ODAD2: variants seen among roughly 807,000 people sequenced by gnomAD.
ODAD2 encodes outer dynein arm-docking complex subunit 2.
ODAD2 carries 89 observed loss-of-function variants against 106.8 expected under a neutral mutation model. That is an observed-to-expected ratio of 0.83 (90% confidence interval 0.70 to 0.99). The LOEUF is 0.99. Ranked by LOEUF, ODAD2 falls within the 50% of genes least tolerant of loss-of-function variation. The pLI, the probability that ODAD2 is intolerant of heterozygous loss-of-function variation, is 0.00. For synonymous variants in ODAD2, 404 were observed against 436.2 expected (o/e 0.93, Z 0.92); for missense variants, 1,168 against 1,238.5 (o/e 0.94, Z 0.85).
rs940314892 is a variant in ODAD2, at chr10:27,940,765, G to A, written c.1784C>T (p.Ala595Val). 3.1e-6 allele frequency: 5 copies of A among 1,614,082 alleles called. No homozygotes were observed. Among genetic ancestry groups the A allele is most frequent in the Admixed American group, 1.7e-5 (1 of 60,016 alleles). The change falls in exon 13 of 20, where the codon GCC becomes GTC. Residue 595 changes from alanine (A) to valine (V), a missense_variant. Coordinates refer to ENST00000305242, the MANE Select transcript of ODAD2 (RefSeq NM_018076.5). ...LDCAHDSTKP[A>V]QSSLYEARDV... The stretch of plus-strand genomic sequence containing the variant: ...TCTGGCCTCATACAGACTCGATTGG[G>A]CAGGTTTTGTGGAATCATGTGCACA...
chr10:27,939,577 A>G (rs1289618946), intron 14 of ODAD2, among the ~76,000 whole-genome samples: 2 of 152,024 alleles, frequency 1.3e-5, no homozygotes, highest in Non-Finnish European at 2.9e-5. Context: ...TACAAAAACA[A>G]TTAGCCCTAC....
intron 18 of ODAD2, among the ~76,000 whole-genome samples, chr10:27,861,057 T>C (rs1469982266): frequency 6.6e-6 from 1 of 152,186 alleles, no homozygotes; most frequent in African/African-American, 2.4e-5. Flanking sequence ...AGTGGTGCCA[T>C]CTCAGCTCAC....
At chr10:27,910,534 T>C (rs1410129576) in intron 16 of ODAD2, among the ~76,000 whole-genome samples, 1 of 151,938 alleles carries the variant, frequency 6.6e-6, no homozygotes, top group Non-Finnish European at 1.5e-5. Flanking sequence ...GGTGGGTGGA[T>C]CGCATGAGCT....
intron 19 of ODAD2, among the ~76,000 whole-genome samples, chr10:27,819,293 GA>G (rs1836402306): frequency 6.6e-6 from 1 of 152,084 alleles, no homozygotes; most frequent in Non-Finnish European, 1.5e-5. Context: ...GGGGGAAAGA[GA>G]ACTTCACCCT....
intron 9 of ODAD2, among the ~76,000 whole-genome samples, chr10:27,963,411 G>A (rs568267518): frequency 6.6e-6 from 1 of 152,070 alleles, no homozygotes; most frequent in South Asian, 2.1e-4. Context: ...GAGAAATTAA[G>A]AGGAGAAAAA....
chr10:27,885,509 CAAAAAAAAAAA>C (rs781326915), intron 17 of ODAD2, among the ~76,000 whole-genome samples: 5,086 of 19,506 alleles, frequency 0.26, 837 homozygotes, highest in South Asian at 0.35. Context: ...GACTCCATCT[CAAAAAAAAAAA>C]AAAAAAAAAA....
At chr10:27,854,903 C>A (rs1443480869) in intron 19 of ODAD2, among the ~76,000 whole-genome samples, 4 of 151,998 alleles carry the variant, frequency 2.6e-5, no homozygotes, top group African/African-American at 4.8e-5. Context: ...GTGAAGGAAG[C>A]CAAACAAAAA....
chr10:27,894,526 G>T (rs1460450344), intron 17 of ODAD2, among the ~76,000 whole-genome samples: 1 of 151,804 alleles, frequency 6.6e-6, no homozygotes, highest in Non-Finnish European at 1.5e-5. Context: ...TTACCAAAGG[G>T]TCAGCAGTAA....
intron 16 of ODAD2, among the ~76,000 whole-genome samples, chr10:27,922,024 G>A (rs117636204): frequency 0.015 from 2,207 of 151,026 alleles, 19 homozygotes; most frequent in Non-Finnish European, 0.022. Flanking sequence ...AAAATTAGCC[G>A]GGCATGGTGG....
chr10:27,916,635 T>C (rs1431351607), intron 16 of ODAD2, among the ~76,000 whole-genome samples: 1 of 152,158 alleles, frequency 6.6e-6, no homozygotes, highest in Non-Finnish European at 1.5e-5. Context: ...TTTATGAAGA[T>C]TCACTTCCAC....
chr10:27,993,702 C>CTTT (rs1245944038), intron 2 of ODAD2, among the ~76,000 whole-genome samples: 2 of 151,934 alleles, frequency 1.3e-5, no homozygotes, highest in Non-Finnish European at 2.9e-5. Context: ...AGAGAGAAGG[C>CTTT]TGACCAATAG....
At chr10:27,906,805 T>C (rs1440894715) in intron 17 of ODAD2, among the ~76,000 whole-genome samples, 2 of 151,414 alleles carry the variant, frequency 1.3e-5, no homozygotes, top group Admixed American at 6.6e-5. Context: ...TAAGCGGGAG[T>C]TGAACAATGA....
Position 27,827,388 on chromosome 10 carries a change from T to C in ODAD2, c.3022-14763A>G, listed in dbSNP as rs1390572175. Among the ~76,000 whole-genome samples the C allele has an allele frequency of 1.7e-3, 45 of 25,926 alleles. 1 individual carries two copies. In the South Asian group the frequency reaches 0.023, roughly 13 times the overall value. 17.0% of individuals were successfully genotyped at this position (25,926 alleles called of 152,430 possible). A position where few individuals can be genotyped will look rare whatever the true frequency, so the allele number is the denominator to read the frequency against. ...CATACACACACACACACTATATATA[T>C]ATATATATATATATATATATATATT... On this transcript the variant is annotated intron_variant, in intron 19 of 19. Transcript: ENST00000305242.
intron 17 of ODAD2, among the ~76,000 whole-genome samples, chr10:27,884,083 AT>A (rs1443140017): frequency 6.6e-6 from 1 of 152,166 alleles, no homozygotes; most frequent in Non-Finnish European, 1.5e-5. Context: ...ATCTTAATGA[AT>A]TTTATGTAGA....
intron 17 of ODAD2, among the ~76,000 whole-genome samples, chr10:27,887,251 T>G (rs1842285990): frequency 6.6e-6 from 1 of 152,018 alleles, no homozygotes; most frequent in African/African-American, 2.4e-5. Flanking sequence ...AATCAAAAAT[T>G]GTTGCAAGAC....
intron 16 of ODAD2, among the ~76,000 whole-genome samples, chr10:27,928,542 G>A (rs1845405209): frequency 6.6e-6 from 1 of 152,014 alleles, no homozygotes; most frequent in African/African-American, 2.4e-5. Context: ...TCTATTGCCT[G>A]TTCACTTATC....
At position 27,940,045 on chromosome 10, in the gene ODAD2, G is replaced by A. The variant is rs375053618; in HGVS notation, c.1987-38C>T. On this transcript the variant is annotated intron_variant, in intron 13 of 19. Coordinates refer to ENST00000305242, the MANE Select transcript of ODAD2 (RefSeq NM_018076.5). ...ACCTACATATTTATGTGTTCAAGACGTGAATATAAGTAACTGTTTACATTT... is the reference window on the plus strand; with the variant it reads ...ACCTACATATTTATGTGTTCAAGACATGAATATAAGTAACTGTTTACATTT... 7.1e-5 allele frequency: 95 copies of A among 1,342,478 alleles called. 1 individual carries two copies. Among genetic ancestry groups the A allele is most frequent in the South Asian group, 4.6e-4 (36 of 78,234 alleles). 83.2% of individuals were successfully genotyped at this position (1,342,478 alleles called of 1,614,324 possible).
intron 10 of ODAD2, among the ~76,000 whole-genome samples, chr10:27,952,389 A>G (rs1847409091): frequency 6.6e-6 from 1 of 151,524 alleles, no homozygotes; most frequent in Non-Finnish European, 1.5e-5. Flanking sequence ...AACTTTTTTT[A>G]TTTTATTTTT....
chr10:27,912,286 TA>T (rs1456216609), intron 16 of ODAD2, among the ~76,000 whole-genome samples: 1 of 152,152 alleles, frequency 6.6e-6, no homozygotes, highest in African/African-American at 2.4e-5. Flanking sequence ...CTTGACATTA[TA>T]AAAACAAAAC....
Sources: gnomAD v4.1 joint callset for allele counts (sites outside exome capture counted in the v4.1 genomes callset) on GRCh38, gnomAD v4.1.1 for gene constraint, MANE v1.5 for transcripts, NCBI Gene and HGNC (gene_info 2026-07-23, HGNC 2026-07-21) for gene names.